DLGAP1: variants seen among roughly 807,000 people sequenced by gnomAD.
DLGAP1 encodes DLG associated protein 1, also known as disks large-associated protein 1.
A neutral mutation model predicts 90.8 loss-of-function variants in DLGAP1; 11 were observed. The ratio of observed to expected loss-of-function variants is 0.12; its 90% CI spans 0.08 to 0.20. The LOEUF (loss-of-function observed/expected upper bound fraction) is 0.20, where lower values mean the gene tolerates loss of function less well. Ranked by LOEUF, DLGAP1 falls within the 10% of genes least tolerant of loss-of-function variation. The pLI is 1.00. For synonymous variants in DLGAP1, 558 were observed against 540.7 expected (o/e 1.03, Z -0.44); for missense variants, 1,050 against 1,333.8 (o/e 0.79, Z 3.31).
chr18:3,790,423 A>T (rs1411942272), intron 5 of DLGAP1, among the ~76,000 whole-genome samples: 11 of 151,936 alleles, frequency 7.2e-5, no homozygotes, highest in African/African-American at 2.4e-4. Flanking sequence ...GTGCATCACC[A>T]TGACCGGCTA....
At chr18:3,997,318 A>C (rs1010674964) in intron 3 of DLGAP1, among the ~76,000 whole-genome samples, 1 of 111,478 alleles carries the variant, frequency 9.0e-6, no homozygotes. Context: ...AAAATGATAA[A>C]AATCAACCAG....
intron 5 of DLGAP1, among the ~76,000 whole-genome samples, chr18:3,797,975 C>T (rs1308618592): frequency 1.3e-5 from 2 of 152,070 alleles, no homozygotes; most frequent in Admixed American, 6.6e-5. Context: ...AAGGGGAAAC[C>T]CCTATCGCTT....
chr18:4,416,955 A>G (rs929800081), intron 1 of DLGAP1, among the ~76,000 whole-genome samples: 2 of 152,206 alleles, frequency 1.3e-5, no homozygotes, highest in African/African-American at 4.8e-5. Context: ...GGCTTGATAT[A>G]TATATTCAGT....
At chr18:3,574,858 A>G (rs1384597423) in intron 8 of DLGAP1, among the ~76,000 whole-genome samples, 1 of 150,654 alleles carries the variant, frequency 6.6e-6, no homozygotes, top group Non-Finnish European at 1.5e-5. Flanking sequence ...TCTGTCGCCC[A>G]GGCTGGAGTG....
At chr18:3,833,236 T>TCCTC (rs1450312250) in intron 4 of DLGAP1, among the ~76,000 whole-genome samples, 2 of 115,182 alleles carry the variant, frequency 1.7e-5, no homozygotes, top group East Asian at 2.4e-4. Context: ...CTTCCTTCCT[T>TCCTC]CCTCCTTGTT....
At chr18:4,050,811 G>C (rs1370452027) in intron 2 of DLGAP1, among the ~76,000 whole-genome samples, 1 of 151,870 alleles carries the variant, frequency 6.6e-6, no homozygotes, top group Non-Finnish European at 1.5e-5. Context: ...TCTTATCTTT[G>C]AAAGATGTGA....
intron 3 of DLGAP1, chr18:3,983,556 C>T (rs1052766278): frequency 1.3e-5 from 2 of 152,146 alleles, no homozygotes; most frequent in African/African-American, 4.8e-5. Flanking sequence ...CTTGAGACAT[C>T]ATTAGGTTAA....
intron 1 of DLGAP1, among the ~76,000 whole-genome samples, chr18:4,363,966 T>C (rs898170736): frequency 6.6e-6 from 1 of 152,114 alleles, no homozygotes; most frequent in East Asian, 1.9e-4. Flanking sequence ...CGTATGTTTA[T>C]TGCGGCACTA....
At chr18:3,799,176 C>T (rs543504346) in intron 5 of DLGAP1, among the ~76,000 whole-genome samples, 2 of 152,242 alleles carry the variant, frequency 1.3e-5, no homozygotes, top group African/African-American at 4.8e-5. Context: ...GGCAATAGAC[C>T]CATTTTAAAA....
intron 2 of DLGAP1, among the ~76,000 whole-genome samples, chr18:4,136,090 T>C (rs1460188503): frequency 6.6e-6 from 1 of 151,880 alleles, no homozygotes; most frequent in Admixed American, 6.6e-5. Flanking sequence ...TTGTTCAATG[T>C]CCACCTATGA....
intron 7 of DLGAP1, among the ~76,000 whole-genome samples, chr18:3,664,996 T>G (rs2146654927): frequency 6.6e-6 from 1 of 152,334 alleles, no homozygotes; most frequent in East Asian, 1.9e-4. Flanking sequence ...ACTATGCTAT[T>G]GTCTGTGACG....
intron 1 of DLGAP1, among the ~76,000 whole-genome samples, chr18:4,269,489 G>A (rs1441484179): frequency 1.3e-5 from 2 of 151,652 alleles, no homozygotes; most frequent in South Asian, 2.1e-4. Context: ...GAGTAGCTGG[G>A]ACTACAGGAG....
intron 2 of DLGAP1, among the ~76,000 whole-genome samples, chr18:4,104,586 C>A (rs1011171918): frequency 1.4e-4 from 22 of 151,974 alleles, no homozygotes; most frequent in African/African-American, 5.3e-4. Context: ...TCATTTTGAT[C>A]GTTTCTGGCT....
At chr18:4,038,775 G>A (rs2074929430) in intron 2 of DLGAP1, among the ~76,000 whole-genome samples, 1 of 152,088 alleles carries the variant, frequency 6.6e-6, no homozygotes. Context: ...CTTTGCCCCA[G>A]GTAAAGAAAG....
chr18:4,304,170 G>C (rs2080194356), intron 1 of DLGAP1, among the ~76,000 whole-genome samples: 1 of 152,090 alleles, frequency 6.6e-6, no homozygotes, highest in African/African-American at 2.4e-5. Flanking sequence ...GTGTTTAGTG[G>C]GTACAGATTT....
In DLGAP1 at chr18:3,879,687, C is replaced by G. The variant is rs137860398; in HGVS notation, c.382G>C (p.Val128Leu). The stretch of plus-strand genomic sequence containing the variant: ...CCGGGGCTGTCGCTGCGGTGCTCCA[C>G]GGCCGTGCGCTTGTACTGCAGGGTG... ...YHTLQYKRTA[V>L]EHRSDSPGRI... Residue 128 changes from valine (V) to leucine (L), a missense_variant, in exon 4 of 13, where the codon GTG becomes CTG. Coordinates refer to ENST00000315677, the MANE Select transcript of DLGAP1 (RefSeq NM_004746.4). The surrounding 1 kb of genome is among the most constrained non-coding windows in gnomAD (Gnocchi z 6.6). 1.7e-5 allele frequency: 28 copies of G among 1,607,312 alleles called. No individual in the cohort carries two copies. The African/African-American group carries it at 2.3e-4, about 13-fold the overall frequency.
chr18:4,413,602 T>TA (rs1288690492), intron 1 of DLGAP1, among the ~76,000 whole-genome samples: 5 of 152,186 alleles, frequency 3.3e-5, no homozygotes, highest in African/African-American at 1.2e-4. Flanking sequence ...CTAGGAAAGT[T>TA]AATCTTAGTC....
chr18:4,311,264 C>G (rs986546059), intron 1 of DLGAP1, among the ~76,000 whole-genome samples: 4 of 152,270 alleles, frequency 2.6e-5, no homozygotes, highest in African/African-American at 9.6e-5. Flanking sequence ...TTGACTTTGA[C>G]AAAGGCAAAA....
At chr18:4,181,104 G>T (rs575698856) in intron 1 of DLGAP1, among the ~76,000 whole-genome samples, 1 of 152,130 alleles carries the variant, frequency 6.6e-6, no homozygotes, top group East Asian at 1.9e-4. Context: ...GGTGATTTAC[G>T]TCTAGGATTT....
Sources: gnomAD v4.1 joint callset for allele counts (sites outside exome capture counted in the v4.1 genomes callset) on GRCh38, gnomAD v4.1.1 for gene constraint, Gnocchi (gnomAD v3.1) non-coding constraint, MANE v1.5 for transcripts, NCBI Gene and HGNC (gene_info 2026-07-23, HGNC 2026-07-21) for gene names.